Variants in CTNNA2 observed in about 807,000 individuals in gnomAD.
CTNNA2 encodes catenin alpha-2.
In CTNNA2, 42 loss-of-function variants were observed where a neutral mutation model predicts 101.0. The observed-to-expected ratio is 0.42, with a 90% CI of 0.32 to 0.54. CTNNA2 has a LOEUF of 0.54. Among genes scored for constraint, CTNNA2 ranks in the 20% least tolerant of loss-of-function variants. The pLI is 0.14. For synonymous variants in CTNNA2, 450 were observed against 456.4 expected, an observed-to-expected ratio of 0.99 and a Z score of 0.18; for missense variants, 871 against 1,223.1, an observed-to-expected ratio of 0.71 and a Z score of 4.29.
intron 2 of CTNNA2, among the ~76,000 whole-genome samples, chr2:79,202,961 T>C (rs928612799): frequency 6.6e-6 from 1 of 152,224 alleles, no homozygotes; most frequent in African/African-American, 2.4e-5. Flanking sequence ...AGTTTACCAG[T>C]AGATCCGAAT....
At chr2:80,435,213 A>G (rs1229645195) in intron 9 of CTNNA2, among the ~76,000 whole-genome samples, 1 of 152,222 alleles carries the variant, frequency 6.6e-6, no homozygotes, top group Non-Finnish European at 1.5e-5. Context: ...ATAAATATGC[A>G]TATGCACACT....
intron 2 of CTNNA2, among the ~76,000 whole-genome samples, chr2:79,220,082 CT>C (rs1466226668): frequency 6.6e-6 from 1 of 152,086 alleles, no homozygotes; most frequent in Admixed American, 6.6e-5. Flanking sequence ...ATATTTTGCA[CT>C]TTCTTTGACT....
chr2:80,299,343 C>T (rs1676038564), intron 7 of CTNNA2: 1 of 152,108 alleles, frequency 6.6e-6, no homozygotes. Context: ...CTACCACTTT[C>T]CCTTATTCCT....
At chr2:79,848,229 T>G (rs950449831) in intron 3 of CTNNA2, among the ~76,000 whole-genome samples, 1 of 152,222 alleles carries the variant, frequency 6.6e-6, no homozygotes, top group Admixed American at 6.5e-5. Context: ...TTCAGAAATA[T>G]ATGTGTTGCA....
intron 1 of CTNNA2, among the ~76,000 whole-genome samples, chr2:79,641,110 G>C (rs1484558159): frequency 6.6e-6 from 1 of 152,190 alleles, no homozygotes; most frequent in Non-Finnish European, 1.5e-5. Context: ...AGATCCAATA[G>C]AGCAGGGTCA....
intron 7 of CTNNA2, among the ~76,000 whole-genome samples, chr2:80,343,882 C>T (rs1014828163): frequency 2.0e-5 from 3 of 152,152 alleles, no homozygotes; most frequent in African/African-American, 7.2e-5. Context: ...CATCTAAATT[C>T]TCCCTCACAC....
At chr2:80,513,733 G>C (rs207461976) in intron 9 of CTNNA2, among the ~76,000 whole-genome samples, 2 of 152,266 alleles carry the variant, frequency 1.3e-5, no homozygotes, top group East Asian at 3.9e-4. Context: ...GGCAGAACTA[G>C]TCTCATAATC....
chr2:80,617,603 AC>A lies in CTNNA2; in HGVS notation c.2431-1481del, dbSNP rs1698959288. 2.0e-5 allele frequency among the ~76,000 whole-genome samples: 3 copies of A among 151,758 alleles called. No homozygotes were observed. The South Asian group carries it at 6.2e-4, about 31-fold the overall frequency. On this transcript the variant is annotated intron_variant, in intron 17 of 18. Transcript: ENST00000402739. ...TTCTATTTACTTTAATTCTTTAAAG[AC>A]ATTCTTTAAATGTCTCTAACATTTA...
At chr2:80,160,347 G>T (rs1307841570) in intron 7 of CTNNA2, among the ~76,000 whole-genome samples, 1 of 151,966 alleles carries the variant, frequency 6.6e-6, no homozygotes, top group African/African-American at 2.4e-5. Flanking sequence ...GTTTTTCTTG[G>T]ATTTTGCTAG....
At chr2:79,430,148 G>A (rs1273204200) in intron 4 of CTNNA2, among the ~76,000 whole-genome samples, 1 of 152,050 alleles carries the variant, frequency 6.6e-6, no homozygotes, top group East Asian at 1.9e-4. Flanking sequence ...ATTAGCCCAT[G>A]TTTTAGTCCT....
chr2:79,528,399 T>C (rs1050387686), intron 1 of CTNNA2, among the ~76,000 whole-genome samples: 5 of 151,790 alleles, frequency 3.3e-5, no homozygotes, highest in African/African-American at 9.7e-5. Flanking sequence ...TATTATTATT[T>C]TGTAGAGAAA....
intron 7 of CTNNA2, among the ~76,000 whole-genome samples, chr2:79,949,278 C>T (rs1334580910): frequency 1.3e-5 from 2 of 152,024 alleles, no homozygotes; most frequent in South Asian, 4.1e-4. Flanking sequence ...GAATAACGTG[C>T]GTGGGATTAT....
At chr2:79,889,015 C>A (rs1684102401) in intron 6 of CTNNA2, among the ~76,000 whole-genome samples, 1 of 152,086 alleles carries the variant, frequency 6.6e-6, no homozygotes, top group African/African-American at 2.4e-5. Context: ...ACATTTAATA[C>A]TTTAGTCTTT....
intron 3 of CTNNA2, among the ~76,000 whole-genome samples, chr2:79,748,557 A>G (rs977006656): frequency 1.3e-5 from 2 of 152,128 alleles, no homozygotes; most frequent in African/African-American, 4.8e-5. Context: ...AGTAAATGCC[A>G]GTTTTCATAT....
At chr2:80,106,270 T>G (rs1700884951) in intron 7 of CTNNA2, among the ~76,000 whole-genome samples, 1 of 152,136 alleles carries the variant, frequency 6.6e-6, no homozygotes, top group Admixed American at 6.5e-5. Context: ...TTGCCAAAGT[T>G]CATCTCCAAC....
intron 4 of CTNNA2, among the ~76,000 whole-genome samples, chr2:79,401,546 T>C (rs1221076023): frequency 6.6e-6 from 1 of 151,512 alleles, no homozygotes; most frequent in Non-Finnish European, 1.5e-5. Context: ...TAAACCACAT[T>C]GCTTTAAATT....
chr2:80,443,827 G>T (rs977303973), intron 9 of CTNNA2, among the ~76,000 whole-genome samples: 3 of 152,162 alleles, frequency 2.0e-5, no homozygotes, highest in African/African-American at 7.2e-5. Context: ...TTTCAGACAA[G>T]CCTTTGAAAA....
chr2:79,597,436 C>T (rs1225977219), intron 1 of CTNNA2, among the ~76,000 whole-genome samples: 1 of 148,472 alleles, frequency 6.7e-6, no homozygotes, highest in African/African-American at 2.5e-5. Context: ...GGCGCCACTG[C>T]ACTCCAGCCT....
chr2:80,462,030 A>G (rs917528046), intron 9 of CTNNA2, among the ~76,000 whole-genome samples: 2 of 152,174 alleles, frequency 1.3e-5, no homozygotes, highest in African/African-American at 4.8e-5. Context: ...TTGTTATTTA[A>G]AAGTCAGTTA....
Sources: gnomAD v4.1 joint callset for allele counts (sites outside exome capture counted in the v4.1 genomes callset) on GRCh38, gnomAD v4.1.1 for gene constraint, MANE v1.5 for transcripts, NCBI Gene and HGNC (gene_info 2026-07-23, HGNC 2026-07-21) for gene names.